Variants in POLA1 observed in about 807,000 individuals in gnomAD.
POLA1 encodes DNA polymerase alpha catalytic subunit.
In POLA1, 15 loss-of-function variants were observed where a neutral mutation model predicts 124.0. The observed-to-expected ratio is 0.12, with a 90% confidence interval of 0.08 to 0.19. POLA1 has a LOEUF of 0.19. Among genes scored for constraint, POLA1 ranks in the 10% least tolerant of loss-of-function variants. POLA1 has a pLI of 1.00. For missense variants in POLA1, 886 were observed against 1,103.4 expected, an observed-to-expected ratio of 0.80 and a Z score of 2.79; for synonymous variants, 408 against 389.4, an observed-to-expected ratio of 1.05 and a Z score of -0.56.
At chrX:24,705,694 C>A (rs1928754232) in intron 4 of POLA1, among the ~76,000 whole-genome samples, 1 of 109,660 alleles carries the variant, frequency 9.1e-6, no homozygotes, top group African/African-American at 3.3e-5. Context: ...AGCAACACCT[C>A]CCCCCCTCCC....
At chrX:24,860,073 C>T (rs946740072) in intron 34 of POLA1, among the ~76,000 whole-genome samples, 21 of 112,432 alleles carry the variant, frequency 1.9e-4, no homozygotes, top group Non-Finnish European at 3.9e-4. Context: ...CTTTCCTGCC[C>T]TCACGACCAT....
chrX:24,800,554 C>T lies in POLA1; in HGVS notation c.2965-9344C>T, dbSNP rs765669857. On this transcript the variant is annotated intron_variant, in intron 26 of 36. Transcript: ENST00000379068. ...TAAGGCCAGCTCTACAAGCTGTCCA[C>T]TGTCCTGTGTCAGATATAACCCGAA... Among the ~76,000 whole-genome samples the T allele has an allele frequency of 3.6e-5, 4 of 111,928 alleles. No individual in the cohort carries two copies. The South Asian group carries it at 1.5e-3, about 42-fold the overall frequency.
At chrX:24,869,245 T>A (rs1451312886) in intron 34 of POLA1, among the ~76,000 whole-genome samples, 1 of 112,835 alleles carries the variant, frequency 8.9e-6, no homozygotes, top group African/African-American at 3.2e-5. Context: ...GGAATTACTC[T>A]TGATCACACA....
intron 25 of POLA1, 40 bp from the exon 26 acceptor site, chrX:24,748,830 T>C (rs778241661): frequency 8.4e-7 from 1 of 1,196,212 alleles, no homozygotes; most frequent in Non-Finnish European, 1.1e-6. Flanking sequence ...TAACCATCTG[T>C]AAATGTTGTT....
intron 15 of POLA1, among the ~76,000 whole-genome samples, chrX:24,732,079 C>T (rs1050331606): frequency 9.0e-5 from 10 of 111,333 alleles, no homozygotes; most frequent in Admixed American, 2.9e-4. Flanking sequence ...CTCAGTCTCC[C>T]GAGTAGCTGG....
intron 34 of POLA1, among the ~76,000 whole-genome samples, chrX:24,855,902 A>C (rs993796159): frequency 1.8e-5 from 2 of 111,996 alleles, no homozygotes; most frequent in African/African-American, 6.5e-5. Context: ...TCCATGTATA[A>C]GTTGACCCAC....
At chrX:24,882,471 C>T (rs746617712) in intron 34 of POLA1, among the ~76,000 whole-genome samples, 32 of 110,916 alleles carry the variant, frequency 2.9e-4, no homozygotes, top group Non-Finnish European at 5.5e-4. Context: ...TCAGCCCTTG[C>T]TTCCCTCCCT....
intron 35 of POLA1, among the ~76,000 whole-genome samples, chrX:24,920,550 A>T (rs760404904): frequency 1.6e-3 from 183 of 112,021 alleles, no homozygotes; most frequent in Non-Finnish European, 2.9e-3. Context: ...CATAGTTGAA[A>T]ATGCATCAAT....
At position 24,810,790 on chromosome X, in the gene POLA1, T is replaced by C. The variant is rs1166144129; in HGVS notation, c.3080T>C (p.Leu1027Ser). Residue 1027 changes from leucine to serine, a missense_variant, in exon 28 of 37, where the codon TTG becomes TCG. Physicochemically the swap from Leu to Ser is moderately radical, Grantham distance 145. Coordinates refer to ENST00000379068, the MANE Select transcript of POLA1 (RefSeq NM_001330360.2). Reference protein sequence around the residue: ...NSTNLEEVFKLGNKVKSEVNK... With the variant: ...NSTNLEEVFKSGNKVKSEVNK... ...ACCAATCTGGAAGAAGTATTTAAGT[T>C]GGGAAACAAGGTGAGATAATTTTAT... is the stretch of plus-strand genomic sequence containing the variant. The C allele has an allele frequency of 8.7e-6, 9 of 1,028,992 alleles. No individual in the cohort carries two copies. The South Asian group carries it at 1.8e-4, about 21-fold the overall frequency. 84.8% of individuals were successfully genotyped at this position (1,028,992 alleles called of 1,213,427 possible).
chrX:24,840,652 C>CT (rs1305939039), intron 32 of POLA1, among the ~76,000 whole-genome samples: 1 of 112,195 alleles, frequency 8.9e-6, no homozygotes, highest in African/African-American at 3.2e-5. Flanking sequence ...TATTTGTGAG[C>CT]TTTTGGCTTA....
chrX:24,742,598 TATTA>T (rs1277354498), intron 22 of POLA1, among the ~76,000 whole-genome samples: 6 of 112,539 alleles, frequency 5.3e-5, no homozygotes, highest in Admixed American at 1.9e-4. Flanking sequence ...TTAGCACTGA[TATTA>T]ATTAATTCAG....
intron 34 of POLA1, among the ~76,000 whole-genome samples, chrX:24,883,773 C>T (rs894053121): frequency 6.3e-5 from 7 of 111,899 alleles, no homozygotes; most frequent in Admixed American, 9.5e-5. Flanking sequence ...AATTTGTGTG[C>T]GGCATTACGT....
chrX:24,984,907 G>T (rs756471337), intron 36 of POLA1, among the ~76,000 whole-genome samples: 3 of 110,546 alleles, frequency 2.7e-5, no homozygotes, highest in African/African-American at 9.9e-5. Flanking sequence ...TGATCCGCCC[G>T]CCTCGGCCTC....
intron 36 of POLA1, among the ~76,000 whole-genome samples, chrX:24,938,042 T>A (rs954908182): frequency 1.2e-4 from 14 of 112,674 alleles, no homozygotes; most frequent in African/African-American, 4.5e-4. Context: ...TGTTTCTTCG[T>A]AACTAGAAGG....
intron 35 of POLA1, among the ~76,000 whole-genome samples, chrX:24,919,796 G>GTT (rs113905438): frequency 6.8e-4 from 27 of 39,489 alleles, no homozygotes; most frequent in South Asian, 4.3e-3. Flanking sequence ...TCCCTCCCCA[G>GTT]TTTTTTTTTT....
At chrX:24,959,469 A>G (rs1386464278) in intron 36 of POLA1, among the ~76,000 whole-genome samples, 1 of 109,647 alleles carries the variant, frequency 9.1e-6, no homozygotes, top group East Asian at 2.9e-4. Context: ...ATCTCAAAAA[A>G]AAAAAAAAAG....
intron 35 of POLA1, among the ~76,000 whole-genome samples, chrX:24,893,543 A>G (rs756369046): frequency 2.7e-5 from 3 of 111,771 alleles, no homozygotes; most frequent in Admixed American, 9.5e-5. Flanking sequence ...AGAAAATTCC[A>G]TATCTATTAA....
At chrX:24,869,818 C>A (rs1039759972) in intron 34 of POLA1, among the ~76,000 whole-genome samples, 13 of 111,115 alleles carry the variant, frequency 1.2e-4, no homozygotes, top group African/African-American at 4.3e-4. Flanking sequence ...TGGACCTCTT[C>A]CTGCACTTAA....
intron 36 of POLA1, among the ~76,000 whole-genome samples, chrX:24,982,872 T>C (rs1477381749): frequency 9.0e-6 from 1 of 111,340 alleles, no homozygotes; most frequent in Non-Finnish European, 1.9e-5. Context: ...TCAGGGCCAA[T>C]AGATGGGCTA....
Sources: gnomAD v4.1 joint callset for allele counts (sites outside exome capture counted in the v4.1 genomes callset) on GRCh38, gnomAD v4.1.1 for gene constraint, MANE v1.5 for transcripts, NCBI Gene and HGNC (gene_info 2026-07-23, HGNC 2026-07-21) for gene names.